ATF1: variants seen among roughly 807,000 people sequenced by gnomAD.
ATF1 encodes the protein activating transcription factor 1.
A neutral mutation model predicts 34.7 loss-of-function variants in ATF1; 16 were observed. The ratio of observed to expected loss-of-function variants is 0.46; its 90% confidence interval spans 0.31 to 0.70. The LOEUF (loss-of-function observed/expected upper bound fraction) is 0.70, where lower values mean the gene tolerates loss of function less well. ATF1 is among the 30% of genes least tolerant of loss of function. The pLI, the probability that ATF1 is intolerant of heterozygous loss-of-function variation, is 0.05. For synonymous variants in ATF1, 105 were observed against 113.1 expected (o/e 0.93, Z 0.46); for missense variants, 255 against 321.6 (o/e 0.79, Z 1.58).
At chr12:50,802,519 C>T (rs1037056573) in intron 3 of ATF1, among the ~76,000 whole-genome samples, 1 of 151,980 alleles carries the variant, frequency 6.6e-6, no homozygotes. Flanking sequence ...GAGCAAAACT[C>T]CATCTCAAAA....
intron 3 of ATF1, among the ~76,000 whole-genome samples, chr12:50,802,301 G>A (rs1021883568): frequency 4.6e-5 from 7 of 152,190 alleles, no homozygotes; most frequent in African/African-American, 1.4e-4. Flanking sequence ...CGAGGCAGGC[G>A]ATCACCTGAG....
At chr12:50,783,451 A>G (rs1468840283) in intron 2 of ATF1, among the ~76,000 whole-genome samples, 2 of 152,196 alleles carry the variant, frequency 1.3e-5, no homozygotes, top group Non-Finnish European at 2.9e-5. Context: ...TGGCTTACTT[A>G]TATCTATATT....
chr12:50,797,825 C>A (rs1165977852), intron 3 of ATF1, among the ~76,000 whole-genome samples: 1 of 152,138 alleles, frequency 6.6e-6, no homozygotes, highest in East Asian at 1.9e-4. Flanking sequence ...TCTGTGCCTA[C>A]TGAACAGTCT....
rs148804185 is a variant in ATF1 at position 50,795,210 on chromosome 12, G to C, written c.94-699G>C. On this transcript the variant is annotated intron_variant, in intron 2 of 6. Coordinates refer to ENST00000262053, the MANE Select transcript of ATF1 (RefSeq NM_005171.5). ...TCAGCTTGTAAACAGCATTGGACAT[G>C]GTTGATCATTCTTTTCTCCTCAGTA... Among the ~76,000 whole-genome samples, 594 of 152,238 alleles carry C rather than the reference G, an allele frequency of 3.9e-3. 5 individuals carry two copies. The highest frequency in any genetic ancestry group is 0.014 in the African/African-American group (567 of 41,552).
In ATF1 at chr12:50,809,534, T is replaced by C; in HGVS notation, c.273T>C (p.Ala91=). 6.2e-7 allele frequency: 1 copy of C among 1,613,932 alleles called. No homozygotes were observed. Among genetic ancestry groups the C allele is most frequent in the Non-Finnish European group, 8.5e-7 (1 of 1,179,792 alleles). ...GAGAAAATTCTGGAGTTTCTGCTGC[T>C]GTCACTTCTATGTCTGTTCCAACTC... The part of the protein sequence containing the change: ...GDGENSGVSA[A]VTSMSVPTPI... The change falls in exon 4 of 7, where the codon GCT becomes GCC. Residue 91 remains alanine (A), a synonymous_variant. Transcript: ENST00000262053.
chr12:50,789,851 G>A (rs1423154451), intron 2 of ATF1, among the ~76,000 whole-genome samples: 1 of 152,150 alleles, frequency 6.6e-6, no homozygotes, highest in Non-Finnish European at 1.5e-5. Context: ...TTGAGAGTGG[G>A]GTTGGGAAGA....
intron 3 of ATF1, chr12:50,806,392 GT>G: frequency 2.0e-6 from 1 of 506,156 alleles, no homozygotes; most frequent in Non-Finnish European, 4.1e-6. Flanking sequence ...AAGGATGACA[GT>G]TATCAGCAGG....
At chr12:50,794,852 G>A (rs755382398) in intron 2 of ATF1, among the ~76,000 whole-genome samples, 5 of 152,028 alleles carry the variant, frequency 3.3e-5, no homozygotes, top group South Asian at 2.1e-4. Flanking sequence ...CCAGGAAGGC[G>A]ACGCTACAGT....
chr12:50,803,780 G>A (rs1441922698), intron 3 of ATF1, among the ~76,000 whole-genome samples: 1 of 152,142 alleles, frequency 6.6e-6, no homozygotes, highest in Non-Finnish European at 1.5e-5. Context: ...AAAAAGCAAT[G>A]AAGTGCTAAT....
At chr12:50,804,650 A>AAAAAG (rs1941579214) in intron 3 of ATF1, among the ~76,000 whole-genome samples, 3 of 152,176 alleles carry the variant, frequency 2.0e-5, no homozygotes. Context: ...CCCTATCTCT[A>AAAAAG]AAAAGAAACT....
At chr12:50,805,504 G>A (rs1213823637) in intron 3 of ATF1, among the ~76,000 whole-genome samples, 3 of 149,286 alleles carry the variant, frequency 2.0e-5, no homozygotes, top group African/African-American at 7.5e-5. Context: ...GCTGCAGTGA[G>A]CCGTGATTGT....
intron 3 of ATF1, among the ~76,000 whole-genome samples, chr12:50,809,250 T>A (rs1941680444): frequency 6.6e-6 from 1 of 151,788 alleles, no homozygotes. Context: ...GGCTCACACT[T>A]CTGGTCTCAG....
chr12:50,777,777 T>C (rs1258793569), intron 1 of ATF1, among the ~76,000 whole-genome samples: 2 of 43,610 alleles, frequency 4.6e-5, no homozygotes, highest in Non-Finnish European at 2.2e-4. Context: ...TGAGACCCTG[T>C]CTCAAAAAAA....
At chr12:50,782,086 A>T (rs1941075483) in intron 2 of ATF1, among the ~76,000 whole-genome samples, 1 of 152,164 alleles carries the variant, frequency 6.6e-6, no homozygotes, top group Admixed American at 6.6e-5. Context: ...AATACAATGA[A>T]ATGAAAAGGC....
chr12:50,779,132 C>G (rs1216027438), intron 1 of ATF1, among the ~76,000 whole-genome samples: 1 of 152,186 alleles, frequency 6.6e-6, no homozygotes, highest in East Asian at 1.9e-4. Context: ...ATTGTATGTA[C>G]AGTCACTATT....
In ATF1 at chr12:50,808,313, TA is replaced by T. The variant is rs1414930549; in HGVS notation, c.195-1142del. ...ACCTACTTCGTTTGGAGAACTGTTT[TA>T]TTGTTTTTTTTTGTTTGTTTTTGTT... On this transcript the variant is annotated intron_variant, in intron 3 of 6. Transcript: ENST00000262053. Among the ~76,000 whole-genome samples the T allele has an allele frequency of 2.6e-5, 4 of 151,942 alleles. No individual in the cohort carries two copies. In the South Asian group the frequency reaches 6.2e-4, roughly 24 times the overall value.
chr12:50,774,005 A>C (rs923138561), intron 1 of ATF1, among the ~76,000 whole-genome samples: 5 of 152,086 alleles, frequency 3.3e-5, no homozygotes, highest in African/African-American at 1.2e-4. Flanking sequence ...CTAACATATA[A>C]TGTTTCTTTC....
At chr12:50,784,112 G>A (rs1941131779) in intron 2 of ATF1, among the ~76,000 whole-genome samples, 1 of 151,872 alleles carries the variant, frequency 6.6e-6, no homozygotes, top group Non-Finnish European at 1.5e-5. Context: ...GCAGTGAGCC[G>A]TGATTGCACC....
At chr12:50,804,680 A>G in intron 3 of ATF1, among the ~76,000 whole-genome samples, 1 of 152,244 alleles carries the variant, frequency 6.6e-6, no homozygotes, top group Non-Finnish European at 1.5e-5. Context: ...GAAAAGAGAA[A>G]TAAACAGGTC....
Sources: allele counts gnomAD v4.1 joint callset (sites outside exome capture counted in the v4.1 genomes callset), GRCh38; gene constraint gnomAD v4.1.1; transcripts MANE v1.5; gene names NCBI Gene and HGNC (gene_info 2026-07-23, HGNC 2026-07-21).